GALNT8: variants seen among roughly 807,000 people sequenced by gnomAD.
GALNT8 encodes probable polypeptide N-acetylgalactosaminyltransferase 8.
GALNT8 carries 66 observed loss-of-function variants against 62.7 expected under a neutral mutation model. That is an observed-to-expected ratio of 1.05 (90% confidence interval 0.86 to 1.29). GALNT8 has a LOEUF of 1.29. GALNT8 is among the 50% of genes most tolerant of loss of function. GALNT8 has a pLI of 0.00. For synonymous variants in GALNT8, 288 were observed against 294.3 expected (o/e 0.98, Z 0.22); for missense variants, 771 against 791.8 (o/e 0.97, Z 0.32).
chr12:4,770,421 A>G (rs1946418530), intron 10 of GALNT8, among the ~76,000 whole-genome samples: 1 of 152,200 alleles, frequency 6.6e-6, no homozygotes. Flanking sequence ...AACACTGTCA[A>G]AGCTCATGTC....
intron 2 of GALNT8, among the ~76,000 whole-genome samples, chr12:4,733,067 A>T (rs149416424): frequency 6.6e-6 from 1 of 152,262 alleles, no homozygotes; most frequent in African/African-American, 2.4e-5. Flanking sequence ...CAACCAACAA[A>T]TACTTTTTCA....
chr12:4,739,531 G>T (rs921200601), intron 3 of GALNT8, among the ~76,000 whole-genome samples: 2 of 152,130 alleles, frequency 1.3e-5, no homozygotes, highest in African/African-American at 4.8e-5. Context: ...TCTCTACATG[G>T]ATGAGGAAAC....
At chr12:4,739,653 TTTTTTCTTTTTC>T (rs1405700486) in intron 3 of GALNT8, among the ~76,000 whole-genome samples, 1 of 151,750 alleles carries the variant, frequency 6.6e-6, no homozygotes, top group Admixed American at 6.6e-5. Flanking sequence ...CTCTTTTTTT[TTTTTTCTTTTTC>T]TTTTTCTTTT....
At chr12:4,743,059 C>G (rs945637807) in intron 3 of GALNT8, among the ~76,000 whole-genome samples, 1 of 152,168 alleles carries the variant, frequency 6.6e-6, no homozygotes, top group African/African-American at 2.4e-5. Context: ...ACTCTGTTGC[C>G]GAGGCTGGCC....
intron 3 of GALNT8, among the ~76,000 whole-genome samples, chr12:4,741,927 G>A (rs927218438): frequency 2.6e-5 from 4 of 152,154 alleles, no homozygotes; most frequent in Non-Finnish European, 5.9e-5. Flanking sequence ...GCCAAATTGA[G>A]CCTACACTGA....
intron 10 of GALNT8, among the ~76,000 whole-genome samples, chr12:4,769,790 T>A (rs1041970029): frequency 6.6e-6 from 1 of 152,104 alleles, no homozygotes; most frequent in Non-Finnish European, 1.5e-5. Flanking sequence ...CCTGAGGACA[T>A]GACCTCATGG....
intron 6 of GALNT8, 47 bp from the exon 7 acceptor site, chr12:4,760,911 A>G (rs1436108000): frequency 1.2e-5 from 19 of 1,520,918 alleles, no homozygotes; most frequent in Non-Finnish European, 1.5e-5. Flanking sequence ...AAGCTATGCA[A>G]TTCATTGGCT....
chr12:4,741,935 T>C (rs1464201133), intron 3 of GALNT8, among the ~76,000 whole-genome samples: 1 of 152,234 alleles, frequency 6.6e-6, no homozygotes, highest in Non-Finnish European at 1.5e-5. Flanking sequence ...GAGCCTACAC[T>C]GAGCATAACT....
chr12:4,756,212 G>A (rs774370367), intron 6 of GALNT8, among the ~76,000 whole-genome samples: 1 of 152,128 alleles, frequency 6.6e-6, no homozygotes, highest in Non-Finnish European at 1.5e-5. Context: ...GGGCTGGCCC[G>A]GGGGTTTGTG....
chr12:4,728,736 A>G (rs112486451), intron 2 of GALNT8, among the ~76,000 whole-genome samples: 21 of 152,286 alleles, frequency 1.4e-4, no homozygotes, highest in African/African-American at 4.6e-4. Flanking sequence ...TTATGCCAGG[A>G]ACACATTGTC....
chr12:4,744,793 A>G, intron 4 of GALNT8, 93 bp downstream of exon 4: 1 of 804,966 alleles, frequency 1.2e-6, no homozygotes, highest in Non-Finnish European at 1.9e-6. Context: ...GGACACAGGG[A>G]AAGTCAGCAC....
At chr12:4,736,460 C>A (rs1439255293) in intron 2 of GALNT8, among the ~76,000 whole-genome samples, 1 of 152,052 alleles carries the variant, frequency 6.6e-6, no homozygotes, top group Non-Finnish European at 1.5e-5. Flanking sequence ...TGATTGCAGC[C>A]TCCATGCCAC....
intron 10 of GALNT8, among the ~76,000 whole-genome samples, chr12:4,766,347 G>A (rs1170536998): frequency 1.3e-5 from 2 of 152,274 alleles, no homozygotes; most frequent in Non-Finnish European, 2.9e-5. Context: ...ATAAAATGAT[G>A]GAGATGATAA....
At chr12:4,771,867 G>A (rs1565391964) in intron 10 of GALNT8, among the ~76,000 whole-genome samples, 1 of 152,288 alleles carries the variant, frequency 6.6e-6, no homozygotes, top group East Asian at 1.9e-4. Context: ...AGCCCACACG[G>A]TTCGTATGTG....
chr12:4,743,582 A>G lies in GALNT8; in HGVS notation c.677-935A>G, dbSNP rs17783475. 7.5e-3 allele frequency among the ~76,000 whole-genome samples: 1,137 copies of G among 152,294 alleles called. 19 individuals carry two copies. The highest frequency in any genetic ancestry group is 0.053 in the East Asian group (273 of 5,180). On this transcript the variant is annotated intron_variant, in intron 3 of 10. Transcript: ENST00000252318. Reference sequence around the variant, plus strand: ...GAGGGAGGACTTGGTAAACCCAACCAGGTACTCACAGAGTTCTTGAGACAC... The same window carrying G: ...GAGGGAGGACTTGGTAAACCCAACCGGGTACTCACAGAGTTCTTGAGACAC...
At chr12:4,736,026 G>A (rs1211118775) in intron 2 of GALNT8, among the ~76,000 whole-genome samples, 1 of 152,140 alleles carries the variant, frequency 6.6e-6, no homozygotes, top group Admixed American at 6.5e-5. Flanking sequence ...AAGCAAAATG[G>A]CAGAACAACC....
At chr12:4,770,968 G>A (rs1440535878) in intron 10 of GALNT8, among the ~76,000 whole-genome samples, 1 of 152,234 alleles carries the variant, frequency 6.6e-6, no homozygotes, top group Non-Finnish European at 1.5e-5. Flanking sequence ...GATGGCTGGG[G>A]CTCAGGGAAC....
At chr12:4,748,419 A>G (rs1946309469) in intron 6 of GALNT8, among the ~76,000 whole-genome samples, 1 of 152,202 alleles carries the variant, frequency 6.6e-6, no homozygotes, top group South Asian at 2.1e-4. Flanking sequence ...ATGCAGACCT[A>G]CTTTCATTCT....
chr12:4,770,573 A>G (rs768100752), intron 10 of GALNT8, among the ~76,000 whole-genome samples: 25 of 152,118 alleles, frequency 1.6e-4, no homozygotes, highest in Non-Finnish European at 3.1e-4. Context: ...TGCACCATGC[A>G]TTGGGTTAAA....
Sources: allele counts gnomAD v4.1 joint callset (sites outside exome capture counted in the v4.1 genomes callset), GRCh38; gene constraint gnomAD v4.1.1; transcripts MANE v1.5; gene names NCBI Gene and HGNC (gene_info 2026-07-23, HGNC 2026-07-21).